RELL1: variants seen among roughly 807,000 people sequenced by gnomAD.
The protein encoded by RELL1 is RELT like 1, also known as RELT-like protein 1.
In RELL1, 10 loss-of-function variants were observed where a neutral mutation model predicts 23.0. The ratio of observed to expected loss-of-function variants is 0.43; its 90% CI spans 0.27 to 0.74. RELL1 has a LOEUF of 0.74. Among genes scored for constraint, RELL1 ranks in the 30% least tolerant of loss-of-function variants. The pLI, the probability that RELL1 is intolerant of heterozygous loss-of-function variation, is 0.19. For synonymous variants in RELL1, 146 were observed against 146.8 expected, an observed-to-expected ratio of 0.99 and a Z score of 0.04; for missense variants, 315 against 364.4, an observed-to-expected ratio of 0.86 and a Z score of 1.10.
At chr4:37,607,368 G>A (rs186766380), downstream of RELL1, among the ~76,000 whole-genome samples, 1 of 152,302 alleles carries the variant, frequency 6.6e-6, no homozygotes, top group Non-Finnish European at 1.5e-5. Flanking sequence ...CATGAACTCT[G>A]TACTGCTTTT....
downstream of RELL1, chr4:37,588,089 T>A (rs2109459151): frequency 6.6e-6 from 1 of 152,350 alleles, no homozygotes; most frequent in South Asian, 2.1e-4. Flanking sequence ...ATGGTCAGTT[T>A]TATATGAAGA....
chr4:37,589,668 G>C (rs576927259), downstream of RELL1, among the ~76,000 whole-genome samples: 5 of 152,104 alleles, frequency 3.3e-5, no homozygotes, highest in Admixed American at 1.3e-4. Flanking sequence ...GTCTCGCTCT[G>C]TCATCCAGGC....
At chr4:37,671,036 A>G (rs1421864087) in intron 1 of RELL1, among the ~76,000 whole-genome samples, 2 of 152,142 alleles carry the variant, frequency 1.3e-5, no homozygotes, top group Non-Finnish European at 2.9e-5. Flanking sequence ...CAGTTCTCCA[A>G]CACCAACCGG....
intron 1 of RELL1, among the ~76,000 whole-genome samples, chr4:37,660,987 TGC>T (rs1168371204): frequency 6.6e-6 from 1 of 150,828 alleles, no homozygotes; most frequent in Non-Finnish European, 1.5e-5. Context: ...GCCGAGACTG[TGC>T]CACTGCACTC....
intron 3 of RELL1, among the ~76,000 whole-genome samples, chr4:37,646,562 G>A (rs115033108): frequency 6.6e-6 from 1 of 152,078 alleles, no homozygotes. Flanking sequence ...CCACTGAAGG[G>A]TGCACTTTAA....
chr4:37,678,857 TTTA>T (rs1252819799), intron 1 of RELL1, among the ~76,000 whole-genome samples: 3 of 152,154 alleles, frequency 2.0e-5, no homozygotes, highest in Non-Finnish European at 4.4e-5. Flanking sequence ...AACAGGCACT[TTTA>T]TTAGTGGCTG....
intron 2 of RELL1, among the ~76,000 whole-genome samples, chr4:37,649,051 T>C (rs143663839): frequency 1.3e-5 from 2 of 152,350 alleles, no homozygotes; most frequent in East Asian, 3.9e-4. Flanking sequence ...ATAACTTGTC[T>C]AAGGCCACAG....
chr4:37,660,731 T>C (rs1303372953), intron 1 of RELL1, among the ~76,000 whole-genome samples: 1 of 152,166 alleles, frequency 6.6e-6, no homozygotes, highest in Non-Finnish European at 1.5e-5. Flanking sequence ...CAAGGTCACA[T>C]GGTTAAAAAC....
chr4:37,659,848 G>A (rs117976422), intron 1 of RELL1, among the ~76,000 whole-genome samples: 2,403 of 152,100 alleles, frequency 0.016, 116 homozygotes, highest in South Asian at 0.15. Context: ...CAAGGCAGCC[G>A]TCCTAATCTC....
chr4:37,605,717 G>C (rs1312374880), downstream of RELL1, among the ~76,000 whole-genome samples: 1 of 150,564 alleles, frequency 6.6e-6, no homozygotes, highest in Non-Finnish European at 1.5e-5. Flanking sequence ...ACTCTGGCCT[G>C]GGCGACAGAG....
At chr4:37,683,742 A>G (rs1186806837) in intron 1 of RELL1, among the ~76,000 whole-genome samples, 1 of 151,020 alleles carries the variant, frequency 6.6e-6, no homozygotes, top group East Asian at 2.0e-4. Context: ...TGGGAGTCAG[A>G]GCAAGACTCT....
At chr4:37,600,269 CA>C (rs33929317) in intron 6 of RELL1, among the ~76,000 whole-genome samples, 66,133 of 111,378 alleles carry the variant, frequency 0.59, 17,216 homozygotes, top group African/African-American at 0.66. Context: ...GACTCCATCT[CA>C]AAAAAAAAAA....
rs542543891 is a variant in RELL1, at chr4:37,668,986, G to T, written c.88+17214C>A. On this transcript the variant is annotated intron_variant, in intron 1 of 6. Transcript: ENST00000454158. ...GAGGAGCCCCTCTGCCCGGCCAGCC[G>T]CCCCATCCAGGAGAGAGGTGGGGGG... Among the ~76,000 whole-genome samples the T allele has an allele frequency of 4.6e-3, 680 of 146,324 alleles. 30 individuals are homozygous for T. Among genetic ancestry groups the T allele is most frequent in the African/African-American group, 0.017 (632 of 37,986 alleles).
chr4:37,613,036 TAC>T lies in RELL1; in HGVS notation c.*308_*309del, dbSNP rs1329638585. 1 of 152,192 alleles carries T rather than the reference TAC, an allele frequency of 6.6e-6. No homozygotes were observed. Among genetic ancestry groups the T allele is most frequent in the Non-Finnish European group, 1.5e-5 (1 of 68,060 alleles). 9.4% of individuals were successfully genotyped at this position (152,192 alleles called of 1,614,324 possible). A position where few individuals can be genotyped will look rare whatever the true frequency, so the allele number is the denominator to read the frequency against. On this transcript the variant is annotated 3_prime_UTR_variant, in exon 7 of 7. Coordinates refer to ENST00000454158, the MANE Select transcript of RELL1 (RefSeq NM_001085400.2). Reference sequence around the variant, plus strand: ...CACATACTCATCATAATGGAAAAACTACAGTGTGTACACCAAGGCCTGGGATT... The same window carrying T: ...CACATACTCATCATAATGGAAAAACTAGTGTGTACACCAAGGCCTGGGATT...
intron 3 of RELL1, among the ~76,000 whole-genome samples, chr4:37,646,182 T>TC (rs1434746526): frequency 5.9e-5 from 9 of 152,146 alleles, no homozygotes; most frequent in Non-Finnish European, 1.3e-4. Flanking sequence ...GGGCAAGGAA[T>TC]CCCACACACC....
At chr4:37,586,940 G>A (rs2109456814), downstream of RELL1, among the ~76,000 whole-genome samples, 1 of 152,152 alleles carries the variant, frequency 6.6e-6, no homozygotes, top group East Asian at 1.9e-4. Flanking sequence ...ACAAAACAAT[G>A]GAAGTTTATT....
chr4:37,682,951 G>A (rs1007226226), intron 1 of RELL1, among the ~76,000 whole-genome samples: 9 of 152,174 alleles, frequency 5.9e-5, no homozygotes, highest in African/African-American at 2.2e-4. Flanking sequence ...GAGAACTTAA[G>A]GACATTAATA....
At chr4:37,605,854 A>AAG (rs1719196280), downstream of RELL1, among the ~76,000 whole-genome samples, 2 of 148,012 alleles carry the variant, frequency 1.4e-5, no homozygotes, top group Non-Finnish European at 3.0e-5. Context: ...AAGGAAAAGA[A>AAG]AAGAAAAGAA....
intron 1 of RELL1, among the ~76,000 whole-genome samples, chr4:37,682,285 AATT>A (rs1722251801): frequency 6.6e-6 from 1 of 152,232 alleles, no homozygotes; most frequent in Non-Finnish European, 1.5e-5. Flanking sequence ...ATCACACCAG[AATT>A]ATTAATATAC....
Sources: allele counts gnomAD v4.1 joint callset (sites outside exome capture counted in the v4.1 genomes callset), GRCh38; gene constraint gnomAD v4.1.1; transcripts MANE v1.5; gene names NCBI Gene and HGNC (gene_info 2026-07-23, HGNC 2026-07-21).